Variants in PCDHGB3 observed in about 807,000 individuals in gnomAD.
The protein encoded by PCDHGB3 is protocadherin gamma-B3.
In PCDHGB3, 40 loss-of-function variants were observed where a neutral mutation model predicts 59.2. The observed-to-expected ratio is 0.68, with a 90% confidence interval of 0.52 to 0.88. The LOEUF is 0.88. Ranked by LOEUF, PCDHGB3 falls within the 40% of genes least tolerant of loss-of-function variation. The pLI, the probability that PCDHGB3 is intolerant of heterozygous loss-of-function variation, is 0.00. For synonymous variants in PCDHGB3, 581 were observed against 503.6 expected (o/e 1.15, Z -2.06); for missense variants, 1,309 against 1,187.9 (o/e 1.10, Z -1.50).
chr5:141,415,740 G>GTTTTTTTTTTTTTTTT (rs57426385), intron 1 of PCDHGB3: 34 of 625,042 alleles, frequency 5.4e-5, no homozygotes, highest in African/African-American at 2.0e-4. Flanking sequence ...GTTTATTAAG[G>GTTTTTTTTTTTTTTTT]TTTTTTTTTT....
chr5:141,418,906 C>T, intron 1 of PCDHGB3: 1 of 1,613,908 alleles, frequency 6.2e-7, no homozygotes, highest in Non-Finnish European at 8.5e-7. Flanking sequence ...AAATAATCAT[C>T]ACGTCACTCT....
intron 1 of PCDHGB3, chr5:141,379,581 T>A (rs1300858565): frequency 6.6e-6 from 1 of 152,240 alleles, no homozygotes; most frequent in Non-Finnish European, 1.5e-5. Context: ...TGGTTTATTT[T>A]ATTCTCTTAT....
chr5:141,420,036 G>C, intron 1 of PCDHGB3: 1 of 1,614,078 alleles, frequency 6.2e-7, no homozygotes. Context: ...GCAGGAGACT[G>C]CTTTGAGTCA....
At chr5:141,408,894 C>A (rs778126197) in intron 1 of PCDHGB3, 1 of 1,613,304 alleles carries the variant, frequency 6.2e-7, no homozygotes, top group East Asian at 2.2e-5. Flanking sequence ...ATAGAAATTT[C>A]TGTCAAGGAT....
chr5:141,409,927 C>T, intron 1 of PCDHGB3: 5 of 1,613,342 alleles, frequency 3.1e-6, no homozygotes, highest in Middle Eastern at 1.6e-4. Flanking sequence ...CCGCGTTCTT[C>T]GATATGGTAC....
chr5:141,376,212 T>C lies in PCDHGB3; in HGVS notation c.2415+3403T>C, dbSNP rs200049429. ...TGCGTCTTCCTGGCCTTCGTCATCGTGCTGCTGGCGCTCAGACTGCAGCGC... is the reference window on the plus strand; with the variant it reads ...TGCGTCTTCCTGGCCTTCGTCATCGCGCTGCTGGCGCTCAGACTGCAGCGC... On this transcript the variant is annotated intron_variant, in intron 1 of 3. Transcript: ENST00000576222. The C allele has an allele frequency of 1.9e-5, 31 of 1,614,098 alleles. No homozygotes were observed. Among genetic ancestry groups the C allele is most frequent in the Non-Finnish European group, 1.7e-6 (2 of 1,180,044 alleles).
rs371173445 is a variant in PCDHGB3 at position 141,383,743 on chromosome 5, C to A, written c.2415+10934C>A. ...CAATGGGGAAGTGACATATTCTTTT[C>A]GGAAAATAACTCCTAAACTTCCAAA... On this transcript the variant is annotated intron_variant, in intron 1 of 3. Transcript: ENST00000576222. 2.0e-5 allele frequency: 32 copies of A among 1,613,922 alleles called. No individual in the cohort carries two copies. The South Asian group carries it at 3.3e-4, about 17-fold the overall frequency.
intron 1 of PCDHGB3, chr5:141,404,308 C>G: frequency 1.2e-6 from 2 of 1,613,918 alleles, no homozygotes; most frequent in East Asian, 2.2e-5. Flanking sequence ...CACCTGCTTT[C>G]TCTCAAGCCT....
chr5:141,471,846 T>C (rs2099265433), intron 1 of PCDHGB3, among the ~76,000 whole-genome samples: 1 of 152,180 alleles, frequency 6.6e-6, no homozygotes. Context: ...AATAAAATAT[T>C]CAGAAAAAGC....
chr5:141,411,573 GA>G (rs2095500797), intron 1 of PCDHGB3: 1 of 152,244 alleles, frequency 6.6e-6, no homozygotes, highest in Middle Eastern at 3.4e-3. Flanking sequence ...GACAGAGTGC[GA>G]CCCTGTCTCT....
At chr5:141,452,760 G>C (rs920853226) in intron 1 of PCDHGB3, among the ~76,000 whole-genome samples, 1 of 152,120 alleles carries the variant, frequency 6.6e-6, no homozygotes, top group African/African-American at 2.4e-5. Context: ...AAGGAAGGGA[G>C]GGAGGGAAAA....
At chr5:141,422,473 G>A (rs2096650443) in intron 1 of PCDHGB3, 7 of 1,613,740 alleles carry the variant, frequency 4.3e-6, no homozygotes, top group Non-Finnish European at 5.1e-6. Context: ...CAGGGAGTTG[G>A]TCCAGAGCTA....
At position 141,485,651 on chromosome 5, in the gene PCDHGB3, G is replaced by A. The variant is rs752827268; in HGVS notation, c.2416-9156G>A. The A allele has an allele frequency of 6.8e-6, 11 of 1,612,228 alleles. No individual in the cohort carries two copies. The Admixed American group carries it at 1.3e-4, about 20-fold the overall frequency. ...TTTCCCGTTGGAAAAGGCTCAGGATGCAGATGTGGGGAGCAATTCGATTAG... is the reference window on the plus strand; with the variant it reads ...TTTCCCGTTGGAAAAGGCTCAGGATACAGATGTGGGGAGCAATTCGATTAG... On this transcript the variant is annotated intron_variant, in intron 1 of 3. Transcript: ENST00000576222. This position sits in a 1 kb window ranked among gnomAD's most constrained non-coding sequence, Gnocchi z 5.7.
chr5:141,503,608 A>AAAAAAAG (rs1483073868), intron 2 of PCDHGB3, among the ~76,000 whole-genome samples: 1 of 151,994 alleles, frequency 6.6e-6, no homozygotes, highest in East Asian at 1.9e-4. Flanking sequence ...CAAAAAAAAA[A>AAAAAAAG]AAAAAAGAAA....
Position 141,476,949 on chromosome 5 carries a change from A to G in PCDHGB3, c.2416-17858A>G. The stretch of plus-strand genomic sequence containing the variant: ...GATCTGGATGAAGGCCCCAACGGTG[A>G]AATTATTTACTCCTTCGGCAGCCAC... On this transcript the variant is annotated intron_variant, in intron 1 of 3. Transcript: ENST00000576222. The surrounding 1 kb of genome is among the most constrained non-coding windows in gnomAD (Gnocchi z 7.6). 6.2e-7 allele frequency: 1 copy of G among 1,614,200 alleles called. No individual in the cohort carries two copies. Among genetic ancestry groups the G allele is most frequent in the Admixed American group, 1.7e-5 (1 of 60,038 alleles).
At position 141,393,567 on chromosome 5, in the gene PCDHGB3, C is replaced by T. The variant is rs766591189; in HGVS notation, c.2415+20758C>T. 6 of 1,613,798 alleles carry T rather than the reference C, an allele frequency of 3.7e-6. No homozygotes were observed. The African/African-American group carries it at 6.7e-5, about 18-fold the overall frequency. ...TCACCCGATTTACCGAGTGAAAGTC[C>T]TTGAGAACATGCCCCCAGGCACGCG... On this transcript the variant is annotated intron_variant, in intron 1 of 3. Transcript: ENST00000576222.
At chr5:141,438,571 T>TATAC (rs1212381177) in intron 1 of PCDHGB3, among the ~76,000 whole-genome samples, 15 of 94,542 alleles carry the variant, frequency 1.6e-4, no homozygotes, top group South Asian at 1.0e-3. Flanking sequence ...AGCTGTCTGA[T>TATAC]ATACATACAT....
Position 141,490,365 on chromosome 5 carries a change from A to G in PCDHGB3, c.2416-4442A>G. The G allele has an allele frequency of 6.2e-7, 1 of 1,614,170 alleles. No individual in the cohort carries two copies. The highest frequency in any genetic ancestry group is 8.5e-7 in the Non-Finnish European group (1 of 1,180,030). On this transcript the variant is annotated intron_variant, in intron 1 of 3. Coordinates refer to ENST00000576222, the MANE Select transcript of PCDHGB3 (RefSeq NM_018924.5). The surrounding 1 kb of genome is among the most constrained non-coding windows in gnomAD (Gnocchi z 5.4). ...CAGTAGTGGGGTTGTTTAATGTGCG[A>G]GACCGGGACTCAGGTAGAAATGGTG...
At chr5:141,394,883 ACTCTAT>A in intron 1 of PCDHGB3, 1 of 1,611,724 alleles carries the variant, frequency 6.2e-7, no homozygotes, top group Non-Finnish European at 8.5e-7. Context: ...CGAGCCTTAC[ACTCTAT>A]CTCGTGGTGG....
Sources: allele counts gnomAD v4.1 joint callset (sites outside exome capture counted in the v4.1 genomes callset), GRCh38; gene constraint gnomAD v4.1.1; non-coding constraint Gnocchi (gnomAD v3.1); transcripts MANE v1.5; gene names NCBI Gene and HGNC (gene_info 2026-07-23, HGNC 2026-07-21).